CCDC92: variants seen among roughly 807,000 people sequenced by gnomAD.
CCDC92 encodes coiled-coil domain-containing protein 92.
In CCDC92, 12 loss-of-function variants were observed where a neutral mutation model predicts 24.9. The ratio of observed to expected loss-of-function variants is 0.48; its 90% CI spans 0.31 to 0.78. CCDC92 has a LOEUF of 0.78. CCDC92 is among the 30% of genes least tolerant of loss of function. The pLI is 0.05. For synonymous variants in CCDC92, 193 were observed against 196.3 expected (o/e 0.98, Z 0.14); for missense variants, 399 against 439.4 (o/e 0.91, Z 0.82).
intron 1 of CCDC92, chr12:123,972,083 G>A (rs995313277): frequency 6.6e-6 from 1 of 152,194 alleles, no homozygotes; most frequent in Non-Finnish European, 1.5e-5. Flanking sequence ...CTCGCCCTGC[G>A]ATCCCACCCC....
At chr12:123,966,179 C>G (rs769462314) in intron 1 of CCDC92, 5 of 152,112 alleles carry the variant, frequency 3.3e-5, no homozygotes, top group Non-Finnish European at 7.3e-5. Context: ...CTGTAAAGCC[C>G]TACACATTCA....
In CCDC92 at chr12:123,937,822, T is replaced by C; in HGVS notation, c.232A>G (p.Thr78Ala). 6.2e-7 allele frequency: 1 copy of C among 1,605,776 alleles called. No homozygotes were observed. The highest frequency in any genetic ancestry group is 8.5e-7 in the Non-Finnish European group (1 of 1,178,134). ...VKSSEQTGDG[T>A]SKSSELKKRC... ...TTCTTTAATTCACTGCTTTTAGAAG[T>C]CCCGTCTCCTACAAGAATAAGCCGA... Residue 78 changes from threonine to alanine, a missense_variant, in exon 5 of 5, where the codon ACT becomes GCT. Physicochemically the swap from Thr to Ala is moderately conservative, Grantham distance 58. Coordinates refer to ENST00000238156, the MANE Select transcript of CCDC92 (RefSeq NM_025140.3). This position sits in a 1 kb window ranked among gnomAD's most constrained non-coding sequence, Gnocchi z 8.4.
intron 1 of CCDC92, chr12:123,946,026 T>TCCATTTCCAGTCCATGATGATCTGGCTG (rs150886168): frequency 5.8e-5 from 1 of 17,210 alleles, no homozygotes. Flanking sequence ...GCTGGCATCC[T>TCCATTTCCAGTCCATGATGATCTGGCTG]GCTTTGAAAG....
At chr12:123,957,699 C>CTTTTTTTTTTTTTTTTTTTTTTTTTTT (rs59738995) in intron 1 of CCDC92, among the ~76,000 whole-genome samples, 1 of 75,922 alleles carries the variant, frequency 1.3e-5, no homozygotes, top group Non-Finnish European at 2.4e-5. Flanking sequence ...TTTTTTCCTT[C>CTTTTTTTTTTTTTTTTTTTTTTTTTTT]TTTTTTTTTT....
At chr12:123,940,530 C>T (rs942354416) in intron 4 of CCDC92, among the ~76,000 whole-genome samples, 4 of 152,220 alleles carry the variant, frequency 2.6e-5, no homozygotes, top group African/African-American at 9.7e-5. Context: ...AGAGCTGCTT[C>T]AGTGACTGTC....
chr12:123,963,752 G>A (rs1179186606), intron 1 of CCDC92, among the ~76,000 whole-genome samples: 2 of 152,216 alleles, frequency 1.3e-5, no homozygotes, highest in African/African-American at 4.8e-5. Context: ...CAGAAATTAA[G>A]TGGACACATT....
chr12:123,939,475 G>T (rs530366629), intron 4 of CCDC92, among the ~76,000 whole-genome samples: 4 of 152,150 alleles, frequency 2.6e-5, no homozygotes, highest in African/African-American at 9.7e-5. Flanking sequence ...TGAAAATACC[G>T]TAAGTCAAAA....
intron 1 of CCDC92, among the ~76,000 whole-genome samples, chr12:123,964,828 AATG>A (rs769896352): frequency 2.6e-5 from 4 of 152,240 alleles, no homozygotes; most frequent in Non-Finnish European, 4.4e-5. Context: ...TTAGCTGAAT[AATG>A]TTTCAAGATA....
chr12:123,936,834 T>A lies in CCDC92; in HGVS notation c.*224A>T. ...CGGAGCGGGATCAGAAGCAAGCGAT[T>A]CGGCACACAGGCGTTTGGCCACAGC... On this transcript the variant is annotated 3_prime_UTR_variant, in exon 5 of 5. Transcript: ENST00000238156. The A allele has an allele frequency of 1.6e-6, 1 of 615,562 alleles. No homozygotes were observed. The highest frequency in any genetic ancestry group is 2.8e-6 in the Non-Finnish European group (1 of 353,078). The allele number at this position is 615,562 out of a possible 1,614,324, so 38.1% of individuals were successfully genotyped here.
intron 1 of CCDC92, among the ~76,000 whole-genome samples, chr12:123,951,184 T>G (rs1471077335): frequency 1.3e-5 from 2 of 152,176 alleles, no homozygotes; most frequent in African/African-American, 4.8e-5. Context: ...TACCGCTTCA[T>G]AATGGCACCG....
intron 1 of CCDC92, among the ~76,000 whole-genome samples, chr12:123,949,688 A>C (rs112353916): frequency 6.6e-6 from 1 of 152,232 alleles, no homozygotes; most frequent in Non-Finnish European, 1.5e-5. Flanking sequence ...AAATTAATTT[A>C]CTGTTCACTC....
At position 123,942,775 on chromosome 12, in the gene CCDC92, A is replaced by G. The variant is rs752682134; in HGVS notation, c.192T>C (p.Tyr64=). ...RLQQHCTDLT[Y]ELTVKSSEQT... ...GTTCCGAACTTTTGACTGTCAGCTC[A>G]TATGTTAAATCTAAAAGGGAAATGT... The change falls in exon 4 of 5, where the codon TAT becomes TAC. Residue 64 remains tyrosine, a synonymous_variant. Coordinates refer to ENST00000238156, the MANE Select transcript of CCDC92 (RefSeq NM_025140.3). The G allele has an allele frequency of 1.2e-6, 2 of 1,602,278 alleles. No individual in the cohort carries two copies. The highest frequency in any genetic ancestry group is 1.7e-5 in the Admixed American group (1 of 59,994).
chr12:123,954,912 G>T (rs1262203189), intron 1 of CCDC92, among the ~76,000 whole-genome samples: 1 of 152,224 alleles, frequency 6.6e-6, no homozygotes, highest in Non-Finnish European at 1.5e-5. Flanking sequence ...GAGGGGCGAT[G>T]CCCATACAGT....
chr12:123,964,803 G>A (rs1956353321), intron 1 of CCDC92, among the ~76,000 whole-genome samples: 1 of 152,106 alleles, frequency 6.6e-6, no homozygotes, highest in Non-Finnish European at 1.5e-5. Flanking sequence ...ACAACCAAGA[G>A]TCACTCTACT....
At chr12:123,945,021 A>G (rs994673307) in intron 1 of CCDC92, 1 of 152,216 alleles carries the variant, frequency 6.6e-6, no homozygotes, top group Non-Finnish European at 1.5e-5. Flanking sequence ...GGAAATTATT[A>G]CTTTTGTGTG....
intron 2 of CCDC92, 160 bp from the exon 3 acceptor site, chr12:123,943,653 C>G: frequency 2.7e-6 from 2 of 753,218 alleles, no homozygotes; most frequent in East Asian, 2.6e-5. Flanking sequence ...GGGCTACATT[C>G]CCATCACTGC....
chr12:123,958,761 TAGAG>T (rs1262517904), intron 1 of CCDC92, among the ~76,000 whole-genome samples: 1 of 152,206 alleles, frequency 6.6e-6, no homozygotes, highest in Non-Finnish European at 1.5e-5. Flanking sequence ...AACTGAGGCG[TAGAG>T]AGCTTAATCT....
At chr12:123,951,811 A>G (rs1406299046) in intron 1 of CCDC92, among the ~76,000 whole-genome samples, 5 of 152,270 alleles carry the variant, frequency 3.3e-5, no homozygotes, top group African/African-American at 1.2e-4. Flanking sequence ...AATTGCAGTG[A>G]TTAAATGTAA....
chr12:123,968,287 G>A (rs925709790), intron 1 of CCDC92: 1 of 152,168 alleles, frequency 6.6e-6, no homozygotes, highest in African/African-American at 2.4e-5. Context: ...ATTGATCTCG[G>A]TCGGCTCTCC....
Sources: allele counts gnomAD v4.1 joint callset (sites outside exome capture counted in the v4.1 genomes callset), GRCh38; gene constraint gnomAD v4.1.1; non-coding constraint Gnocchi (gnomAD v3.1); transcripts MANE v1.5; gene names NCBI Gene and HGNC (gene_info 2026-07-23, HGNC 2026-07-21).